SEMA6D: variants seen among roughly 807,000 people sequenced by gnomAD.
The protein encoded by SEMA6D is semaphorin 6D.
A neutral mutation model predicts 106.6 loss-of-function variants in SEMA6D; 35 were observed. The observed-to-expected ratio is 0.33, with a 90% CI of 0.25 to 0.44. The LOEUF is 0.44. Ranked by LOEUF, SEMA6D falls within the 20% of genes least tolerant of loss-of-function variation. The probability of loss-of-function intolerance (pLI) is 1.00; values close to 1 mark genes in which losing one functional copy is unlikely to be tolerated. For missense variants in SEMA6D, 1,185 were observed against 1,345.9 expected, an observed-to-expected ratio of 0.88 and a Z score of 1.87; for synonymous variants, 499 against 487.7, an observed-to-expected ratio of 1.02 and a Z score of -0.31.
intron 1 of SEMA6D, among the ~76,000 whole-genome samples, chr15:47,387,002 C>T (rs1228812414): frequency 6.6e-6 from 1 of 151,384 alleles, no homozygotes; most frequent in Non-Finnish European, 1.5e-5. Flanking sequence ...CTGAGGCAGC[C>T]CATCCTTGTG....
In SEMA6D at chr15:47,588,854, C is replaced by T. The variant is rs545962423; in HGVS notation, c.-86-12011C>T. ...GTCACAAATGAAAAGCAGTGGTTCTCGATCAGGGCAGTTTGTCTGCCAAGG... is the reference window on the plus strand; with the variant it reads ...GTCACAAATGAAAAGCAGTGGTTCTTGATCAGGGCAGTTTGTCTGCCAAGG... On this transcript the variant is annotated intron_variant, in intron 3 of 19. Coordinates refer to the SEMA6D transcript ENST00000558014. Among the ~76,000 whole-genome samples, 6 of 152,222 alleles carry T rather than the reference C, an allele frequency of 3.9e-5. No homozygotes were observed. In the South Asian group the frequency reaches 8.3e-4, roughly 21 times the overall value.
rs374770930 is a variant in SEMA6D, at chr15:47,228,163, C to CACACACACACATATAT, written c.-239+43746_-239+43747insCACACACACATATATA. On this transcript the variant is annotated intron_variant, in intron 1 of 19. Transcript: ENST00000558014. ...ACACACACACACACACACACACACACATATATATATAACCTTTTGTTACTT... is the reference window on the plus strand; with the variant it reads ...ACACACACACACACACACACACACACACACACACACATATATATATATATATAACCTTTTGTTACTT... Among the ~76,000 whole-genome samples, 257 of 136,810 alleles carry CACACACACACATATAT rather than the reference C, an allele frequency of 1.9e-3. 2 individuals carry two copies. Among genetic ancestry groups the CACACACACACATATAT allele is most frequent in the Admixed American group, 4.7e-3 (62 of 13,194 alleles). 89.8% of individuals were successfully genotyped at this position (136,810 alleles called of 152,430 possible).
intron 1 of SEMA6D, among the ~76,000 whole-genome samples, chr15:47,743,316 TC>T (rs1335486715): frequency 1.3e-5 from 2 of 152,222 alleles, no homozygotes; most frequent in East Asian, 3.8e-4. Context: ...TTACTGGTGA[TC>T]GTGGATGACC....
intron 1 of SEMA6D, among the ~76,000 whole-genome samples, chr15:47,321,711 A>T (rs567627494): frequency 6.6e-6 from 1 of 152,312 alleles, no homozygotes; most frequent in East Asian, 1.9e-4. Flanking sequence ...TACTTATATT[A>T]ATCACCACAT....
intron 1 of SEMA6D, chr15:47,275,225 GA>G (rs2034745471): frequency 6.6e-6 from 1 of 152,032 alleles, no homozygotes; most frequent in African/African-American, 2.4e-5. Flanking sequence ...CAATCACCTT[GA>G]AAAATACAAA....
chr15:47,511,700 G>A (rs2044236224), intron 3 of SEMA6D, among the ~76,000 whole-genome samples: 1 of 152,114 alleles, frequency 6.6e-6, no homozygotes, highest in Non-Finnish European at 1.5e-5. Context: ...TTTTTTTGGA[G>A]GGGTAGAGAG....
intron 1 of SEMA6D, among the ~76,000 whole-genome samples, chr15:47,378,653 C>G (rs1231592621): frequency 6.6e-6 from 1 of 152,170 alleles, no homozygotes; most frequent in Non-Finnish European, 1.5e-5. Flanking sequence ...GTGCTGCCTC[C>G]AAACCCTAAG....
chr15:47,686,965 C>G (rs1876679875), intron 4 of SEMA6D, among the ~76,000 whole-genome samples: 1 of 150,326 alleles, frequency 6.7e-6, no homozygotes, highest in African/African-American at 2.5e-5. Context: ...ACTCAGGAGG[C>G]TGAGGCAGGA....
At chr15:47,395,638 G>A (rs1908795) in intron 1 of SEMA6D, 61,905 of 152,086 alleles carry the variant, frequency 0.41, 12,853 homozygotes, top group Middle Eastern at 0.55. Context: ...GAAATGCCCT[G>A]ATGCAATGGT....
chr15:47,496,433 C>T (rs1051449511), intron 3 of SEMA6D, among the ~76,000 whole-genome samples: 4 of 152,010 alleles, frequency 2.6e-5, no homozygotes, highest in Non-Finnish European at 4.4e-5. Context: ...GAACCTAATG[C>T]TTAGTTACCC....
intron 4 of SEMA6D, among the ~76,000 whole-genome samples, chr15:47,627,537 G>A (rs1371074825): frequency 6.6e-6 from 1 of 152,072 alleles, no homozygotes; most frequent in Admixed American, 6.6e-5. Flanking sequence ...GAGAATTTAT[G>A]CTATAGTACG....
At chr15:47,443,081 C>T (rs2041929855) in intron 2 of SEMA6D, among the ~76,000 whole-genome samples, 1 of 152,108 alleles carries the variant, frequency 6.6e-6, no homozygotes, top group Non-Finnish European at 1.5e-5. Context: ...CAGGAAAATG[C>T]ATTCCAATTT....
At chr15:47,235,035 C>A (rs1017860838) in intron 1 of SEMA6D, among the ~76,000 whole-genome samples, 15 of 151,948 alleles carry the variant, frequency 9.9e-5, no homozygotes, top group African/African-American at 3.6e-4. Context: ...TTAATAATGG[C>A]CATTCTGATT....
intron 1 of SEMA6D, among the ~76,000 whole-genome samples, chr15:47,211,509 T>C (rs2030013018): frequency 1.3e-5 from 2 of 152,190 alleles, no homozygotes; most frequent in Admixed American, 6.5e-5. Context: ...ATATATCCTT[T>C]AGATGCATGA....
chr15:47,288,757 C>T (rs1254736115), intron 1 of SEMA6D, among the ~76,000 whole-genome samples: 1 of 152,136 alleles, frequency 6.6e-6, no homozygotes, highest in Non-Finnish European at 1.5e-5. Flanking sequence ...TAGCTGCTGT[C>T]ACCACTGCTG....
At chr15:47,517,277 A>G (rs1025535516) in intron 3 of SEMA6D, among the ~76,000 whole-genome samples, 1 of 152,066 alleles carries the variant, frequency 6.6e-6, no homozygotes, top group Non-Finnish European at 1.5e-5. Context: ...CAAGATGGGT[A>G]TGTTAGAAAT....
At chr15:47,199,452 T>A (rs550451261) in intron 1 of SEMA6D, among the ~76,000 whole-genome samples, 1 of 152,098 alleles carries the variant, frequency 6.6e-6, no homozygotes, top group Non-Finnish European at 1.5e-5. Flanking sequence ...AGTGTGTGTC[T>A]CCCCTACAAA....
chr15:47,186,631 G>T (rs1893594589), intron 1 of SEMA6D, among the ~76,000 whole-genome samples: 2 of 150,718 alleles, frequency 1.3e-5, no homozygotes, highest in South Asian at 4.2e-4. Context: ...CTTTTCAATT[G>T]TTCTTTTGTC....
At chr15:47,405,318 G>A (rs1344583359) in intron 1 of SEMA6D, among the ~76,000 whole-genome samples, 1 of 152,070 alleles carries the variant, frequency 6.6e-6, no homozygotes, top group Non-Finnish European at 1.5e-5. Context: ...GGATTTGGTT[G>A]GAGACAGAGT....
Sources: allele counts gnomAD v4.1 joint callset (sites outside exome capture counted in the v4.1 genomes callset), GRCh38; gene constraint gnomAD v4.1.1; transcripts MANE v1.5; gene names NCBI Gene and HGNC (gene_info 2026-07-23, HGNC 2026-07-21).